The following SON variants were observed in gnomAD, a reference collection of about 807,000 sequenced individuals.
SON encodes the protein SON DNA and RNA binding protein, also known as protein SON.
SON carries 4 observed loss-of-function variants against 173.3 expected under a neutral mutation model. The ratio of observed to expected loss-of-function variants is 0.02; its 90% CI spans 0.01 to 0.05. The LOEUF (loss-of-function observed/expected upper bound fraction) is 0.05, where lower values mean the gene tolerates loss of function less well. Among genes scored for constraint, SON ranks in the 10% least tolerant of loss-of-function variants. The pLI is 1.00. For synonymous variants in SON, 1,190 were observed against 1,105.9 expected, an observed-to-expected ratio of 1.08 and a Z score of -1.51; for missense variants, 2,626 against 3,055.3, an observed-to-expected ratio of 0.86 and a Z score of 3.31.
At chr21:33,557,011 TC>T in intron 3 of SON, 144 bp from the exon 4 acceptor site, 4 of 660,296 alleles carry the variant, frequency 6.1e-6, no homozygotes, top group Non-Finnish European at 7.0e-6. Flanking sequence ...TATAGTTTTT[TC>T]CTTTTTTTTT....
intron 6 of SON, among the ~76,000 whole-genome samples, chr21:33,561,537 A>G (rs1374013221): frequency 1.3e-5 from 2 of 152,184 alleles, no homozygotes; most frequent in Admixed American, 6.5e-5. Flanking sequence ...TCTTCCTGAG[A>G]AGATAAGTGA....
rs2145832377 is a variant in SON at position 33,553,404 on chromosome 21, C to T, written c.4173C>T (p.Val1391=). ...TCCTGGAGCCTTCGGTTGTGACTGT[C>T]CCGGAGCCTCCTGTTGTGGCTGAGC... The part of the protein sequence containing the change: ...VTVLEPSVVT[V]PEPPVVAEPD... The change falls in exon 3 of 12, where the codon GTC becomes GTT. Residue 1391 remains valine, a synonymous_variant. Transcript: ENST00000356577. 1 of 1,613,762 alleles carries T rather than the reference C, an allele frequency of 6.2e-7. No individual in the cohort carries two copies. The highest frequency in any genetic ancestry group is 2.2e-5 in the East Asian group (1 of 44,886).
intron 6 of SON, among the ~76,000 whole-genome samples, chr21:33,562,867 C>T (rs73197944): frequency 0.13 from 19,092 of 152,090 alleles, 1,582 homozygotes; most frequent in East Asian, 0.44. Context: ...GGAGTAGTAA[C>T]TACTCAACTA....
Position 33,576,741 on chromosome 21 carries a change from C to T in SON, c.*317C>T, listed in dbSNP as rs1358916490. 2.0e-5 allele frequency: 9 copies of T among 458,884 alleles called. No individual in the cohort carries two copies. In the Admixed American group the frequency reaches 3.0e-4, roughly 15 times the overall value. The allele number at this position is 458,884 out of a possible 1,614,324, so 28.4% of individuals were successfully genotyped here. On this transcript the variant is annotated 3_prime_UTR_variant, in exon 12 of 12. Coordinates refer to ENST00000356577, the MANE Select transcript of SON (RefSeq NM_138927.4). ...ACCATGGAAATTGTATTTAACCATACAGGGTTTTGGTATGTTTATATTGTT... is the reference window on the plus strand; with the variant it reads ...ACCATGGAAATTGTATTTAACCATATAGGGTTTTGGTATGTTTATATTGTT...
Position 33,550,941 on chromosome 21 carries a change from A to C in SON, c.1710A>C (p.Pro570=), listed in dbSNP as rs781584679. 4.4e-6 allele frequency: 7 copies of C among 1,603,324 alleles called. No individual in the cohort carries two copies. The highest frequency in any genetic ancestry group is 6.0e-6 in the Non-Finnish European group (7 of 1,173,248). Reference sequence around the variant, plus strand: ...GGCAGCCTTCGGTGACTGGGGTGCCAGAGTTGCCAGGGCTGCCTTCGGCAA... The same window carrying C: ...GGCAGCCTTCGGTGACTGGGGTGCCCGAGTTGCCAGGGCTGCCTTCGGCAA... ...LPGQPSVTGV[P]ELPGLPSATR... The change falls in exon 3 of 12, where the codon CCA becomes CCC. Residue 570 remains proline (P), a synonymous_variant. Coordinates refer to ENST00000356577, the MANE Select transcript of SON (RefSeq NM_138927.4).
intron 6 of SON, among the ~76,000 whole-genome samples, chr21:33,564,631 C>T (rs900605082): frequency 2.6e-5 from 4 of 152,114 alleles, no homozygotes; most frequent in African/African-American, 7.2e-5. Flanking sequence ...GAGGCCAAGG[C>T]GGGCGGATCA....
intron 2 of SON, chr21:33,547,059 C>A (rs2085635614): frequency 6.6e-6 from 1 of 152,230 alleles, no homozygotes; most frequent in African/African-American, 2.4e-5. Context: ...ACCGCAACCT[C>A]CGCCTCCCAG....
At position 33,549,661 on chromosome 21, in the gene SON, G is replaced by T. The variant is rs376504954; in HGVS notation, c.430G>T (p.Asp144Tyr). 5.8e-5 allele frequency: 94 copies of T among 1,611,206 alleles called. No individual in the cohort carries two copies. Among genetic ancestry groups the T allele is most frequent in the Non-Finnish European group, 7.7e-5 (91 of 1,179,350 alleles). Residue 144 changes from aspartate (D) to tyrosine (Y), a missense_variant, in exon 3 of 12, where the codon GAT (aspartate) becomes TAT (tyrosine). Physicochemically the swap from Asp to Tyr is radical, Grantham distance 160 (BLOSUM62 -3). Around this residue, in one of 13 missense-constraint regions of SON, gnomAD observed 757 missense variants for 730.1 expected, o/e 1.04. Coordinates refer to ENST00000356577, the MANE Select transcript of SON (RefSeq NM_138927.4). ...ATCTGAGTCAAAGACGAAATCTCAT[G>T]ATGATGGGAACATAGATTTAGAATC... is the stretch of plus-strand genomic sequence containing the variant. ...EESESKTKSH[D>Y]DGNIDLESDS...
intron 2 of SON, among the ~76,000 whole-genome samples, chr21:33,547,791 T>G (rs1031994127): frequency 7.1e-6 from 1 of 140,474 alleles, no homozygotes; most frequent in Non-Finnish European, 1.5e-5. Flanking sequence ...CTCAGCTGAC[T>G]GCAAGCTCCG....
intron 11 of SON, 57 bp from the exon 12 acceptor site, chr21:33,576,308 A>G: frequency 1.2e-6 from 1 of 834,832 alleles, no homozygotes; most frequent in Non-Finnish European, 2.1e-6. Flanking sequence ...GAAAAAATAC[A>G]AAGCTAATAG....
chr21:33,554,828 G>A lies in SON; in HGVS notation c.5597G>A (p.Arg1866His), dbSNP rs765643842. Residue 1866 changes from arginine to histidine, a missense_variant, in exon 3 of 12, where the codon CGT (arginine) becomes CAT (histidine). Around this residue, in one of 13 missense-constraint regions of SON, gnomAD observed 1,006 missense variants for 895.6 expected, o/e 1.12. Transcript: ENST00000356577. ...SHRSQTRSRSRSRRRRRSSRS... is the reference protein window; with the variant it reads ...SHRSQTRSRSHSRRRRRSSRS... ...CGCTCTCAGACACGTTCACGGTCACGTTCAAGACGCAGGAGGAGAAGCAGC... is the reference window on the plus strand; with the variant it reads ...CGCTCTCAGACACGTTCACGGTCACATTCAAGACGCAGGAGGAGAAGCAGC... The A allele has an allele frequency of 4.3e-6, 7 of 1,614,012 alleles. No individual in the cohort carries two copies. The highest frequency in any genetic ancestry group is 1.1e-5 in the South Asian group (1 of 91,088).
chr21:33,572,564 T>TA, intron 8 of SON: 1 of 1,304,248 alleles, frequency 7.7e-7, no homozygotes, highest in Non-Finnish European at 1.0e-6. Context: ...CAAATCCTTG[T>TA]AGCTGTCTTC....
rs2085493516 is a variant in SON, at chr21:33,543,052, G to T, written c.-41G>T. The T allele has an allele frequency of 6.3e-7, 1 of 1,592,490 alleles. No individual in the cohort carries two copies. Among genetic ancestry groups the T allele is most frequent in the African/African-American group, 1.3e-5 (1 of 74,610 alleles). On this transcript the variant is annotated 5_prime_UTR_variant, in exon 1 of 12. Coordinates refer to ENST00000356577, the MANE Select transcript of SON (RefSeq NM_138927.4). ...CCTCCCGAGGCATGCTGGGAGCCTG[G>T]AGGACTAGCGAGGAGGAGTTGAGAG...
chr21:33,548,222 A>G (rs1426559194), intron 2 of SON, among the ~76,000 whole-genome samples: 1 of 151,776 alleles, frequency 6.6e-6, no homozygotes, highest in East Asian at 1.9e-4. Flanking sequence ...CTCTAAAATC[A>G]GTATTCTTTT....
Position 33,551,878 on chromosome 21 carries a change from G to A in SON, c.2647G>A (p.Ala883Thr). 1.9e-6 allele frequency: 3 copies of A among 1,613,938 alleles called. No homozygotes were observed. Among genetic ancestry groups the A allele is most frequent in the Non-Finnish European group, 2.5e-6 (3 of 1,179,968 alleles). Reference protein sequence around the residue: ...SQMLASGTMDAQMLASGTMDA... With the variant: ...SQMLASGTMDTQMLASGTMDA... ...AATGTTAGCTTCTGGCACCATGGAT[G>A]CTCAGATGTTAGCGTCTGGTACCAT... Residue 883 changes from alanine (A) to threonine (T), a missense_variant, in exon 3 of 12, where the codon GCT becomes ACT. Ala to Thr is a moderately conservative substitution (Grantham distance 58). Transcript: ENST00000356577.
At position 33,577,300 on chromosome 21, in the gene SON, A is replaced by G. The variant is rs1387001704; in HGVS notation, c.*876A>G. On this transcript the variant is annotated 3_prime_UTR_variant, in exon 12 of 12. Transcript: ENST00000356577. ...AATGATAATTAAAATGCTGTAACCA[A>G]CTTATCTAATAAAATTGGCAACCAG... 1 of 152,630 alleles carries G rather than the reference A, an allele frequency of 6.6e-6. No homozygotes were observed. Among genetic ancestry groups the G allele is most frequent in the Non-Finnish European group, 1.5e-5 (1 of 68,038 alleles). 9.5% of individuals were successfully genotyped at this position (152,630 alleles called of 1,614,324 possible). A position where few individuals can be genotyped will look rare whatever the true frequency, so the allele number is the denominator to read the frequency against.
At chr21:33,567,460 G>T in intron 7 of SON, 193 bp downstream of exon 7, 1 of 570,828 alleles carries the variant, frequency 1.8e-6, no homozygotes, top group South Asian at 2.3e-5. Context: ...AATGTTTATT[G>T]TTTACTATGT....
chr21:33,563,044 A>G (rs1184313342), intron 6 of SON, among the ~76,000 whole-genome samples: 2 of 152,266 alleles, frequency 1.3e-5, no homozygotes, highest in South Asian at 2.1e-4. Context: ...TGGAATTACA[A>G]TTTTTTTAAA....
At position 33,572,768 on chromosome 21, in the gene SON, GTTTTT is replaced by G. The variant is rs78936304; in HGVS notation, c.6886-529_6886-525del. Reference sequence around the variant, plus strand: ...ATTTGTTACTGTGTAAATTTCAAGAGTTTTTTTTTTTTTTTCTGCTTTAGGGATTT... The same window carrying G: ...ATTTGTTACTGTGTAAATTTCAAGAGTTTTTTTTTTCTGCTTTAGGGATTT... On this transcript the variant is annotated intron_variant, in intron 8 of 11. Coordinates refer to ENST00000356577, the MANE Select transcript of SON (RefSeq NM_138927.4). 131 of 232,026 alleles carry G rather than the reference GTTTTT, an allele frequency of 5.6e-4. 1 individual carries two copies. The highest frequency in any genetic ancestry group is 2.8e-3 in the African/African-American group (111 of 39,890). The allele number at this position is 232,026 out of a possible 1,614,324, so 14.4% of individuals were successfully genotyped here. A position where few individuals can be genotyped will look rare whatever the true frequency, so the allele number is the denominator to read the frequency against.
Sources: gnomAD v4.1 joint callset for allele counts (sites outside exome capture counted in the v4.1 genomes callset) on GRCh38, gnomAD v4.1.1 for gene constraint, gnomAD v4.1.1 regional missense constraint, MANE v1.5 for transcripts, NCBI Gene and HGNC (gene_info 2026-07-23, HGNC 2026-07-21) for gene names.